The following ACVR1 variants were observed in gnomAD, a reference collection of about 807,000 sequenced individuals.
The protein encoded by ACVR1 is activin receptor type-1.
A neutral mutation model predicts 57.1 loss-of-function variants in ACVR1; 38 were observed. The observed-to-expected ratio is 0.67, with a 90% CI of 0.51 to 0.87. The LOEUF (loss-of-function observed/expected upper bound fraction) is 0.87. ACVR1 is among the 40% of genes least tolerant of loss of function. The pLI, the probability that ACVR1 is intolerant of heterozygous loss-of-function variation, is 0.00. For missense variants in ACVR1, 463 were observed against 638.2 expected, an observed-to-expected ratio of 0.73 and a Z score of 2.96; for synonymous variants, 212 against 228.1, an observed-to-expected ratio of 0.93 and a Z score of 0.63.
At chr2:157,859,841 ATTC>A (rs1689663602) in intron 1 of ACVR1, among the ~76,000 whole-genome samples, 1 of 152,074 alleles carries the variant, frequency 6.6e-6, no homozygotes, top group Admixed American at 6.6e-5. Context: ...CTGCTAGGTG[ATTC>A]TTCAACTTTT....
intron 1 of ACVR1, among the ~76,000 whole-genome samples, chr2:157,843,523 C>T (rs1255580400): frequency 6.6e-6 from 1 of 152,134 alleles, no homozygotes; most frequent in East Asian, 1.9e-4. Flanking sequence ...AAAACTGAAG[C>T]TCAGAGAGGA....
chr2:157,754,466 C>T (rs539977627), intron 9 of ACVR1, among the ~76,000 whole-genome samples: 1 of 152,010 alleles, frequency 6.6e-6, no homozygotes, highest in East Asian at 1.9e-4. Context: ...TCATTCAAGG[C>T]TACTATGAAT....
intron 3 of ACVR1, among the ~76,000 whole-genome samples, chr2:157,789,164 C>T (rs1417530575): frequency 6.6e-6 from 1 of 152,178 alleles, no homozygotes; most frequent in East Asian, 1.9e-4. Context: ...TTGAGCTTGT[C>T]CTTTTTTACC....
chr2:157,798,169 T>A (rs539628682), intron 3 of ACVR1, among the ~76,000 whole-genome samples: 1 of 152,138 alleles, frequency 6.6e-6, no homozygotes, highest in African/African-American at 2.4e-5. Context: ...CTTTGTAGAA[T>A]TGAAACCAGC....
intron 3 of ACVR1, among the ~76,000 whole-genome samples, chr2:157,793,605 T>C (rs949048904): frequency 1.3e-5 from 2 of 152,220 alleles, no homozygotes; most frequent in Admixed American, 1.3e-4. Context: ...TCCCTTTCCC[T>C]AAAAACATCT....
At chr2:157,745,348 C>T (rs1225775528) in intron 9 of ACVR1, among the ~76,000 whole-genome samples, 2 of 152,104 alleles carry the variant, frequency 1.3e-5, no homozygotes, top group African/African-American at 4.8e-5. Context: ...CATTTGGTAG[C>T]TATGAAGAAA....
chr2:157,852,554 T>C (rs1255905392), intron 1 of ACVR1, among the ~76,000 whole-genome samples: 1 of 147,238 alleles, frequency 6.8e-6, no homozygotes, highest in Non-Finnish European at 1.5e-5. Context: ...AAAGGGAAAC[T>C]AGACTCAAAT....
chr2:157,826,949 GAGAA>G (rs1688407699), intron 1 of ACVR1, among the ~76,000 whole-genome samples: 2 of 147,522 alleles, frequency 1.4e-5, no homozygotes, highest in South Asian at 2.3e-4. Context: ...GAGAAACAGA[GAGAA>G]AGAGAAAGAA....
intron 1 of ACVR1, among the ~76,000 whole-genome samples, chr2:157,853,405 A>G (rs1224918706): frequency 6.6e-6 from 1 of 152,136 alleles, no homozygotes; most frequent in African/African-American, 2.4e-5. Flanking sequence ...CAAGCTGACT[A>G]ATCCCATCAG....
At chr2:157,847,142 C>A (rs1157305812) in intron 1 of ACVR1, among the ~76,000 whole-genome samples, 1 of 152,142 alleles carries the variant, frequency 6.6e-6, no homozygotes, top group Non-Finnish European at 1.5e-5. Context: ...AATTTTAATA[C>A]CTATTTTACA....
intron 2 of ACVR1, among the ~76,000 whole-genome samples, chr2:157,817,563 T>C (rs1471409734): frequency 6.6e-6 from 1 of 152,164 alleles, no homozygotes; most frequent in Non-Finnish European, 1.5e-5. Context: ...AGTAGGTTCA[T>C]TGATTGTAGT....
At chr2:157,747,051 G>GC (rs775013164) in intron 9 of ACVR1, among the ~76,000 whole-genome samples, 5 of 152,010 alleles carry the variant, frequency 3.3e-5, no homozygotes, top group Non-Finnish European at 4.4e-5. Flanking sequence ...AGATCTATCT[G>GC]GTCATCAATT....
intron 1 of ACVR1, among the ~76,000 whole-genome samples, chr2:157,841,138 T>A (rs1688958392): frequency 6.6e-6 from 1 of 152,210 alleles, no homozygotes; most frequent in Non-Finnish European, 1.5e-5. Context: ...TGTCCATACT[T>A]GGCTTCTAAT....
At chr2:157,811,449 T>A (rs1687750774) in intron 2 of ACVR1, among the ~76,000 whole-genome samples, 1 of 152,190 alleles carries the variant, frequency 6.6e-6, no homozygotes, top group Non-Finnish European at 1.5e-5. Flanking sequence ...AATATTTAAA[T>A]TTTTTATTAC....
At chr2:157,740,041 G>A (rs1248978408) in intron 9 of ACVR1, among the ~76,000 whole-genome samples, 4 of 151,988 alleles carry the variant, frequency 2.6e-5, no homozygotes, top group African/African-American at 7.2e-5. Flanking sequence ...AAAATTAGCC[G>A]GGTGTGTTGG....
chr2:157,778,010 C>G (rs1025636380), intron 5 of ACVR1, 121 bp downstream of exon 5: 142 of 1,064,366 alleles, frequency 1.3e-4, no homozygotes, highest in Non-Finnish European at 1.9e-4. Flanking sequence ...CATAAGTAAC[C>G]AACAGCATGT....
chr2:157,768,801 A>G (rs1174367995), intron 7 of ACVR1, among the ~76,000 whole-genome samples: 5 of 152,214 alleles, frequency 3.3e-5, no homozygotes, highest in Non-Finnish European at 7.3e-5. Context: ...TTACCTCAAC[A>G]TTTAAAACTG....
At chr2:157,869,485 T>G (rs976678378) in intron 1 of ACVR1, among the ~76,000 whole-genome samples, 31 of 152,210 alleles carry the variant, frequency 2.0e-4, no homozygotes, top group African/African-American at 7.0e-4. Flanking sequence ...AAGACTAGAA[T>G]TTTTAAAATA....
chr2:157,813,505 C>G (rs139799762), intron 2 of ACVR1, among the ~76,000 whole-genome samples: 1 of 152,338 alleles, frequency 6.6e-6, no homozygotes, highest in East Asian at 1.9e-4. Context: ...AAGTTCTCAT[C>G]ACTATAGTTT....
Sources: gnomAD v4.1 joint callset for allele counts (sites outside exome capture counted in the v4.1 genomes callset) on GRCh38, gnomAD v4.1.1 for gene constraint, MANE v1.5 for transcripts, NCBI Gene and HGNC (gene_info 2026-07-23, HGNC 2026-07-21) for gene names.